The following SYT17 variants were observed in gnomAD, a reference collection of about 807,000 sequenced individuals.
SYT17 encodes the protein synaptotagmin 17.
Under a neutral mutation model 46.7 loss-of-function variants are expected in SYT17, and 22 were observed. That is an observed-to-expected ratio of 0.47 (90% CI 0.34 to 0.67). SYT17 has a LOEUF of 0.67. Ranked by LOEUF, SYT17 falls within the 30% of genes least tolerant of loss-of-function variation. The pLI is 0.01. For missense variants in SYT17, 519 were observed against 612.8 expected, an observed-to-expected ratio of 0.85 and a Z score of 1.62; for synonymous variants, 251 against 248.4, an observed-to-expected ratio of 1.01 and a Z score of -0.10.
intron 5 of SYT17, among the ~76,000 whole-genome samples, chr16:19,184,595 C>T (rs1240358711): frequency 2.0e-5 from 3 of 151,268 alleles, no homozygotes; most frequent in Admixed American, 6.6e-5. Flanking sequence ...TGAGGTTTTC[C>T]GTGTTATCCA....
chr16:19,222,786 C>A (rs1254964173), intron 5 of SYT17, among the ~76,000 whole-genome samples: 1 of 152,134 alleles, frequency 6.6e-6, no homozygotes, highest in African/African-American at 2.4e-5. Flanking sequence ...GGCAGTGAAG[C>A]ATTTTTTAAA....
At chr16:19,174,929 GCCACATAGTGAGACCCCCC>G (rs1256111595) in intron 3 of SYT17, among the ~76,000 whole-genome samples, 1 of 152,056 alleles carries the variant, frequency 6.6e-6, no homozygotes, top group African/African-American at 2.4e-5. Context: ...ACCAGCCTGG[GCCACATAGTGAGACCCCCC>G]CCATGCCCCA....
chr16:19,245,483 G>T (rs1967476413), intron 7 of SYT17, among the ~76,000 whole-genome samples: 1 of 152,138 alleles, frequency 6.6e-6, no homozygotes, highest in Non-Finnish European at 1.5e-5. Flanking sequence ...AGAAGGGCAG[G>T]TTTGCCTGGG....
At chr16:19,233,028 A>G (rs1966761873) in intron 7 of SYT17, among the ~76,000 whole-genome samples, 1 of 152,108 alleles carries the variant, frequency 6.6e-6, no homozygotes, top group Non-Finnish European at 1.5e-5. Context: ...TTTGGAAGGC[A>G]TCTGTATTCT....
At chr16:19,256,963 G>T (rs1348036601) in intron 7 of SYT17, among the ~76,000 whole-genome samples, 2 of 152,052 alleles carry the variant, frequency 1.3e-5, no homozygotes, top group East Asian at 3.8e-4. Context: ...GTGGCTTTGA[G>T]CACTCAACCT....
At chr16:19,224,486 C>T (rs573678014) in intron 6 of SYT17, among the ~76,000 whole-genome samples, 197 bp from the exon 7 acceptor site, 19 of 151,876 alleles carry the variant, frequency 1.3e-4, no homozygotes, top group East Asian at 7.7e-4. Flanking sequence ...AGTGAACTGA[C>T]GGATGGAAAG....
At position 19,224,687 on chromosome 16, in the gene SYT17, C is replaced by T. The variant is rs756491245; in HGVS notation, c.1077C>T (p.Pro359=). Residue 359 remains proline, a synonymous_variant, in exon 7 of 8, where the codon CCC becomes CCT. Coordinates refer to ENST00000355377, the MANE Select transcript of SYT17 (RefSeq NM_016524.4). The part of the protein sequence containing the change: ...LQTDVSQGSD[P]FVKIQLVHGL... ...GATGCTGTGTCTAATTTTCAGACCC[C>T]TTTGTGAAAATCCAGCTGGTGCATG... 1.2e-6 allele frequency: 2 copies of T among 1,613,974 alleles called. No homozygotes were observed. The highest frequency in any genetic ancestry group is 1.7e-5 in the Admixed American group (1 of 60,010).
rs190517020 is a variant in SYT17 at position 19,181,247 on chromosome 16, T to A, written c.331+708T>A. On this transcript the variant is annotated intron_variant, in intron 4 of 7. Coordinates refer to ENST00000355377, the MANE Select transcript of SYT17 (RefSeq NM_016524.4). ...AATTTGTCCACTCTGTTGTGTGGCG[T>A]ATGTGTTTGACCAAACAGCATGATT... Among the ~76,000 whole-genome samples, 12 of 152,330 alleles carry A rather than the reference T, an allele frequency of 7.9e-5. No homozygotes were observed. The East Asian group carries it at 2.1e-3, about 27-fold the overall frequency.
At chr16:19,189,598 C>T (rs1964933557) in intron 5 of SYT17, among the ~76,000 whole-genome samples, 1 of 152,156 alleles carries the variant, frequency 6.6e-6, no homozygotes, top group South Asian at 2.1e-4. Context: ...GATCCTCCTG[C>T]CTTGGGGGCC....
At chr16:19,201,615 G>C (rs1965467798) in intron 5 of SYT17, among the ~76,000 whole-genome samples, 1 of 151,046 alleles carries the variant, frequency 6.6e-6, no homozygotes, top group African/African-American at 2.4e-5. Flanking sequence ...AATAGGGAGG[G>C]CTTCTAAGGG....
intron 4 of SYT17, among the ~76,000 whole-genome samples, chr16:19,181,109 C>T (rs917338066): frequency 6.6e-6 from 1 of 152,114 alleles, no homozygotes; most frequent in Non-Finnish European, 1.5e-5. Context: ...TTGGGGGCTC[C>T]GTATTGTCTG....
intron 5 of SYT17, among the ~76,000 whole-genome samples, chr16:19,195,314 A>G (rs1344155144): frequency 6.6e-6 from 1 of 151,822 alleles, no homozygotes; most frequent in Non-Finnish European, 1.5e-5. Flanking sequence ...CAGAGGCTGT[A>G]CTCTCAGCCA....
At chr16:19,172,266 C>G in intron 1 of SYT17, 1 of 1,113,844 alleles carries the variant, frequency 9.0e-7, no homozygotes, top group Non-Finnish European at 1.1e-6. Context: ...AGGAAACACC[C>G]CACCATCACC....
At chr16:19,210,327 G>T (rs950395027) in intron 5 of SYT17, among the ~76,000 whole-genome samples, 1 of 151,978 alleles carries the variant, frequency 6.6e-6, no homozygotes, top group Non-Finnish European at 1.5e-5. Context: ...TTGGCCTCCC[G>T]AAGTGCTTGG....
intron 3 of SYT17, among the ~76,000 whole-genome samples, chr16:19,175,477 G>C (rs2142521755): frequency 6.6e-6 from 1 of 151,998 alleles, no homozygotes; most frequent in South Asian, 2.1e-4. Flanking sequence ...AACACGATGA[G>C]ACCCCTATCT....
intron 7 of SYT17, among the ~76,000 whole-genome samples, chr16:19,255,838 T>G (rs945325225): frequency 6.6e-6 from 1 of 152,184 alleles, no homozygotes; most frequent in East Asian, 1.9e-4. Context: ...AGAGGGCTTC[T>G]ACCTTGGGCC....
chr16:19,247,886 G>C (rs1967696460), intron 7 of SYT17, among the ~76,000 whole-genome samples: 1 of 152,148 alleles, frequency 6.6e-6, no homozygotes, highest in African/African-American at 2.4e-5. Context: ...GACTTCAACA[G>C]GATTGAAAAC....
intron 5 of SYT17, among the ~76,000 whole-genome samples, chr16:19,217,414 C>T (rs1039986658): frequency 1.3e-5 from 2 of 152,116 alleles, no homozygotes; most frequent in Admixed American, 6.5e-5. Flanking sequence ...CACTCATCTA[C>T]TTTCTATCTC....
intron 5 of SYT17, among the ~76,000 whole-genome samples, chr16:19,191,336 T>C (rs1965011638): frequency 2.0e-5 from 3 of 152,168 alleles, no homozygotes; most frequent in Non-Finnish European, 4.4e-5. Context: ...GGTTAGGCCA[T>C]GAGGGCAGAG....
Sources: gnomAD v4.1 joint callset for allele counts (sites outside exome capture counted in the v4.1 genomes callset) on GRCh38, gnomAD v4.1.1 for gene constraint, MANE v1.5 for transcripts, NCBI Gene and HGNC (gene_info 2026-07-23, HGNC 2026-07-21) for gene names.